Variants in CAMTA1 observed in about 807,000 individuals in gnomAD.
CAMTA1 encodes calmodulin-binding transcription activator 1.
In CAMTA1, 27 loss-of-function variants were observed where a neutral mutation model predicts 170.9. That is an observed-to-expected ratio of 0.16 (90% CI 0.12 to 0.22). CAMTA1 has a LOEUF of 0.22. CAMTA1 is among the 10% of genes least tolerant of loss of function. The probability of loss-of-function intolerance (pLI) is 1.00; values close to 1 mark genes in which losing one functional copy is unlikely to be tolerated. For missense variants in CAMTA1, 1,619 were observed against 2,217.2 expected, an observed-to-expected ratio of 0.73 and a Z score of 5.42; for synonymous variants, 833 against 891.5, an observed-to-expected ratio of 0.93 and a Z score of 1.17.
At chr1:7,489,787 G>C (rs2093675182) in intron 6 of CAMTA1, among the ~76,000 whole-genome samples, 1 of 152,232 alleles carries the variant, frequency 6.6e-6, no homozygotes, top group Non-Finnish European at 1.5e-5. Context: ...CTGGCCCGGA[G>C]CAGTTCCCAT....
chr1:7,138,862 G>T (rs76677728), intron 4 of CAMTA1, among the ~76,000 whole-genome samples: 6 of 151,598 alleles, frequency 4.0e-5, no homozygotes, highest in African/African-American at 1.5e-4. Flanking sequence ...GGGTTTTGTG[G>T]TGTGTGCCTG....
chr1:6,992,772 G>T (rs1408176437), intron 3 of CAMTA1, among the ~76,000 whole-genome samples: 1 of 151,958 alleles, frequency 6.6e-6, no homozygotes, highest in Non-Finnish European at 1.5e-5. Flanking sequence ...AGAGCAGCAA[G>T]GGGGAAATGC....
In CAMTA1 at chr1:7,736,556, A is replaced by G. The variant is rs752258767; in HGVS notation, c.3263+16A>G. 6.2e-7 allele frequency: 1 copy of G among 1,612,420 alleles called. No individual in the cohort carries two copies. The highest frequency in any genetic ancestry group is 1.3e-5 in the African/African-American group (1 of 74,902). On this transcript the variant is annotated intron_variant, in intron 13 of 22. Coordinates refer to ENST00000303635, the MANE Select transcript of CAMTA1 (RefSeq NM_015215.4). This position sits in a 1 kb window ranked among gnomAD's most constrained non-coding sequence, Gnocchi z 4.5. ...TCAAATGGCGGTAAGGCTGTGGTGC[A>G]GCTGGCTGGGGGTCAGCCTCGCACA...
intron 4 of CAMTA1, among the ~76,000 whole-genome samples, chr1:7,133,924 A>G (rs1645400978): frequency 6.6e-6 from 1 of 152,316 alleles, no homozygotes; most frequent in South Asian, 2.1e-4. Flanking sequence ...TGATTTAGAT[A>G]CCGAGGGTAT....
At chr1:7,745,100 G>A (rs2096847730) in intron 17 of CAMTA1, 78 bp downstream of exon 17, 3 of 1,326,824 alleles carry the variant, frequency 2.3e-6, no homozygotes, top group African/African-American at 1.5e-5. Flanking sequence ...GATTGTATTT[G>A]ATGAATGCCG....
intron 4 of CAMTA1, among the ~76,000 whole-genome samples, chr1:7,129,370 C>T (rs1289671517): frequency 6.6e-6 from 1 of 152,114 alleles, no homozygotes; most frequent in Non-Finnish European, 1.5e-5. Context: ...AACACTCAAG[C>T]CAGGTTGCTG....
intron 3 of CAMTA1, among the ~76,000 whole-genome samples, chr1:6,998,166 C>T (rs925955040): frequency 1.3e-5 from 2 of 152,096 alleles, no homozygotes; most frequent in African/African-American, 4.8e-5. Context: ...CAACCTCTGC[C>T]TTCTGGGTTC....
intron 3 of CAMTA1, among the ~76,000 whole-genome samples, chr1:6,827,229 A>G (rs1647316415): frequency 6.6e-6 from 1 of 152,182 alleles, no homozygotes; most frequent in African/African-American, 2.4e-5. Context: ...GCTGAAATCT[A>G]GGTAGAGGAG....
chr1:6,959,485 C>A (rs1439662120), intron 3 of CAMTA1, among the ~76,000 whole-genome samples: 1 of 140,638 alleles, frequency 7.1e-6, no homozygotes, highest in African/African-American at 2.6e-5. Flanking sequence ...CGGGTGCCTA[C>A]CGGTGTACCG....
At position 7,216,500 on chromosome 1, in the gene CAMTA1, AT is replaced by A. The variant is rs1421528565; in HGVS notation, c.303-32987del. Among the ~76,000 whole-genome samples, 12 of 151,438 alleles carry A rather than the reference AT, an allele frequency of 7.9e-5. No homozygotes were observed. The East Asian group carries it at 2.3e-3, about 29-fold the overall frequency. On this transcript the variant is annotated intron_variant, in intron 4 of 22. Coordinates refer to ENST00000303635, the MANE Select transcript of CAMTA1 (RefSeq NM_015215.4). This position sits in a 1 kb window ranked among gnomAD's most constrained non-coding sequence, Gnocchi z 4.0. ...ATATTTCCTACAGTTTCTTTCTTTC[AT>A]TTTCCTTCCTTCCTTCCTTTCTTTC...
intron 3 of CAMTA1, among the ~76,000 whole-genome samples, chr1:6,926,541 TTTCCTTCC>T (rs538159657): frequency 6.4e-5 from 9 of 140,034 alleles, no homozygotes; most frequent in African/African-American, 1.3e-4. Context: ...TCTCTCTTTC[TTTCCTTCC>T]TTCCTTCCTT....
intron 4 of CAMTA1, among the ~76,000 whole-genome samples, chr1:7,152,718 CT>C (rs1646648435): frequency 6.6e-6 from 1 of 152,206 alleles, no homozygotes; most frequent in Non-Finnish European, 1.5e-5. Context: ...GCCCGAGACT[CT>C]TTCCCCCTGG....
chr1:7,067,301 C>T lies in CAMTA1; in HGVS notation c.235-24003C>T, dbSNP rs1281845689. ...GTCCCTTGTACTCAGGGTCTCTCTT[C>T]CCTGGACAGTGCTAGACAAATAGGA... On this transcript the variant is annotated intron_variant, in intron 3 of 22. Transcript: ENST00000303635. This position sits in a 1 kb window ranked among gnomAD's most constrained non-coding sequence, Gnocchi z 4.3. Among the ~76,000 whole-genome samples the T allele has an allele frequency of 2.6e-5, 4 of 152,170 alleles. No homozygotes were observed. The highest frequency in any genetic ancestry group is 4.4e-5 in the Non-Finnish European group (3 of 68,024).
chr1:6,984,514 T>C (rs1331348191), intron 3 of CAMTA1, among the ~76,000 whole-genome samples: 1 of 151,990 alleles, frequency 6.6e-6, no homozygotes, highest in Non-Finnish European at 1.5e-5. Flanking sequence ...GTCAGGAGGC[T>C]AAGACAGGGG....
intron 3 of CAMTA1, among the ~76,000 whole-genome samples, chr1:7,024,028 C>CAA (rs35095557): frequency 4.0e-4 from 38 of 96,080 alleles, no homozygotes; most frequent in East Asian, 9.0e-4. Context: ...GACTCTGTCT[C>CAA]AAAAAAAAAA....
chr1:7,613,648 G>A (rs534726936), intron 6 of CAMTA1, among the ~76,000 whole-genome samples: 114 of 152,106 alleles, frequency 7.5e-4, no homozygotes, highest in Non-Finnish European at 1.2e-3. Flanking sequence ...ATGGGAGCCG[G>A]GGCACAGGAA....
intron 3 of CAMTA1, chr1:6,872,152 C>A: frequency 4.2e-6 from 1 of 235,948 alleles, no homozygotes; most frequent in Non-Finnish European, 7.4e-6. Flanking sequence ...CTTACACACA[C>A]CCAGGACACC....
intron 3 of CAMTA1, among the ~76,000 whole-genome samples, chr1:7,079,001 C>T (rs1291672742): frequency 6.6e-6 from 1 of 152,076 alleles, no homozygotes; most frequent in Admixed American, 6.6e-5. Context: ...ACTACTAAAC[C>T]ATTGATGAGT....
intron 4 of CAMTA1, among the ~76,000 whole-genome samples, chr1:7,213,149 T>C (rs1285468978): frequency 1.3e-5 from 2 of 152,264 alleles, no homozygotes; most frequent in Admixed American, 1.3e-4. Flanking sequence ...TGCTGGGTTG[T>C]ATGATAACTA....
Sources: gnomAD v4.1 joint callset for allele counts (sites outside exome capture counted in the v4.1 genomes callset) on GRCh38, gnomAD v4.1.1 for gene constraint, Gnocchi (gnomAD v3.1) non-coding constraint, MANE v1.5 for transcripts, NCBI Gene and HGNC (gene_info 2026-07-23, HGNC 2026-07-21) for gene names.